The following NDST4 variants were observed in gnomAD, a reference collection of about 807,000 sequenced individuals.
NDST4 encodes the protein N-deacetylase and N-sulfotransferase 4, also known as N-heparan sulfate sulfotransferase 4.
Under a neutral mutation model 100.8 loss-of-function variants are expected in NDST4, and 63 were observed. The ratio of observed to expected loss-of-function variants is 0.62; its 90% CI spans 0.51 to 0.77. The LOEUF is 0.77. Among genes scored for constraint, NDST4 ranks in the 30% least tolerant of loss-of-function variants. The pLI is 0.00. For synonymous variants in NDST4, 377 were observed against 361.8 expected (o/e 1.04, Z -0.48); for missense variants, 943 against 1,018.4 (o/e 0.93, Z 1.01).
At chr4:115,088,320 AT>A (rs370454710) in intron 1 of NDST4, among the ~76,000 whole-genome samples, 141 of 148,644 alleles carry the variant, frequency 9.5e-4, no homozygotes, top group Middle Eastern at 3.5e-3. Flanking sequence ...TCTAAAGTTA[AT>A]TTTTTTTTTT....
intron 1 of NDST4, among the ~76,000 whole-genome samples, chr4:115,105,785 C>T (rs749123870): frequency 3.9e-5 from 6 of 152,058 alleles, no homozygotes; most frequent in African/African-American, 7.2e-5. Context: ...AAACAACTTC[C>T]GTACCTTTCG....
At chr4:114,970,152 A>G (rs1468464612) in intron 4 of NDST4, among the ~76,000 whole-genome samples, 1 of 147,848 alleles carries the variant, frequency 6.8e-6, no homozygotes, top group African/African-American at 2.7e-5. Flanking sequence ...TCATAGATAC[A>G]AGAGTAGTCA....
intron 8 of NDST4, 129 bp downstream of exon 8, chr4:114,852,596 C>T: frequency 1.7e-6 from 1 of 580,176 alleles, no homozygotes; most frequent in Non-Finnish European, 3.0e-6. Context: ...ACAAGCAGTT[C>T]AAATAATAAA....
In NDST4 at chr4:114,924,456, GA is replaced by G. The variant is rs796235650; in HGVS notation, c.1536+10749del. 6.1e-3 allele frequency among the ~76,000 whole-genome samples: 866 copies of G among 142,752 alleles called. 6 individuals are homozygous for G. The highest frequency in any genetic ancestry group is 0.016 in the African/African-American group (624 of 39,194). The allele number at this position is 142,752 out of a possible 152,430, so 93.7% of individuals were successfully genotyped here. A position where few individuals can be genotyped will look rare whatever the true frequency, so the allele number is the denominator to read the frequency against. On this transcript the variant is annotated intron_variant, in intron 6 of 13. Coordinates refer to ENST00000264363, the MANE Select transcript of NDST4 (RefSeq NM_022569.3). ...ATAGAAAAAAAAAAAGAAGATAAAG[GA>G]AAAAAAAAAAGGTGACTGTAGGTCT... is the stretch of plus-strand genomic sequence containing the variant.
At chr4:114,938,349 T>A (rs1439824454) in intron 4 of NDST4, among the ~76,000 whole-genome samples, 2 of 152,162 alleles carry the variant, frequency 1.3e-5, no homozygotes, top group African/African-American at 4.8e-5. Flanking sequence ...GGGTAAACAG[T>A]CAACTCTAAA....
At chr4:115,048,575 C>A (rs542837080) in intron 2 of NDST4, among the ~76,000 whole-genome samples, 11 of 152,130 alleles carry the variant, frequency 7.2e-5, no homozygotes, top group African/African-American at 2.2e-4. Context: ...CGTGAGCCAC[C>A]GTGCCCGACC....
At chr4:114,842,941 A>T (rs1484247921) in intron 10 of NDST4, among the ~76,000 whole-genome samples, 1 of 151,994 alleles carries the variant, frequency 6.6e-6, no homozygotes, top group Non-Finnish European at 1.5e-5. Flanking sequence ...TTTATATCCC[A>T]TTACCAGTGT....
intron 11 of NDST4, among the ~76,000 whole-genome samples, chr4:114,839,031 A>G (rs1428723174): frequency 6.6e-6 from 1 of 152,150 alleles, no homozygotes; most frequent in Non-Finnish European, 1.5e-5. Context: ...TTGTACTGGT[A>G]GTTGAGAGTT....
intron 2 of NDST4, among the ~76,000 whole-genome samples, chr4:115,075,240 T>C (rs930871244): frequency 6.6e-6 from 1 of 152,216 alleles, no homozygotes; most frequent in African/African-American, 2.4e-5. Context: ...CTAATATCTA[T>C]ATTTTCAGAT....
intron 2 of NDST4, among the ~76,000 whole-genome samples, chr4:114,989,487 G>A (rs1726989174): frequency 6.6e-6 from 1 of 152,126 alleles, no homozygotes; most frequent in South Asian, 2.1e-4. Flanking sequence ...ACAGTCCTTT[G>A]GTTAGGAGTT....
intron 2 of NDST4, among the ~76,000 whole-genome samples, chr4:115,074,596 A>G (rs1382402452): frequency 2.6e-5 from 4 of 152,114 alleles, no homozygotes; most frequent in African/African-American, 9.7e-5. Context: ...AAAATGAAAT[A>G]TTTGGGTCAC....
intron 6 of NDST4, among the ~76,000 whole-genome samples, chr4:114,933,432 C>CTTTTTTTTTTTT (rs367931653): frequency 1.1e-5 from 1 of 89,276 alleles, no homozygotes; most frequent in Non-Finnish European, 2.1e-5. Flanking sequence ...TTTTCTTTTC[C>CTTTTTTTTTTTT]TTTTTTTTTT....
chr4:114,981,258 GAAGGAAGGAAGA>G lies in NDST4; in HGVS notation c.979-3996_979-3985del, dbSNP rs1180320910. Among the ~76,000 whole-genome samples, 774 of 124,078 alleles carry G rather than the reference GAAGGAAGGAAGA, an allele frequency of 6.2e-3. 8 individuals are homozygous for G. The highest frequency in any genetic ancestry group is 0.022 in the African/African-American group (740 of 33,242). The allele number at this position is 124,078 out of a possible 152,430, so 81.4% of individuals were successfully genotyped here. On this transcript the variant is annotated intron_variant, in intron 2 of 13. Transcript: ENST00000264363. ...GGAAGGAAGGAAGGAAGGAAGGAAG[GAAGGAAGGAAGA>G]AAGCAGGAAAAAGAATGAGAGTCCA...
Position 115,057,713 on chromosome 4 carries a change from CACACACACACACACACACACAG to C in NDST4, c.978+18324_978+18345del, listed in dbSNP as rs1333381977. Among the ~76,000 whole-genome samples, 459 of 116,524 alleles carry C rather than the reference CACACACACACACACACACACAG, an allele frequency of 3.9e-3. 1 individual carries two copies. The highest frequency in any genetic ancestry group is 0.017 in the African/African-American group (437 of 25,582). The allele number at this position is 116,524 out of a possible 152,430, so 76.4% of individuals were successfully genotyped here. On this transcript the variant is annotated intron_variant, in intron 2 of 13. Transcript: ENST00000264363. ...CTATGCGTGCGCACGCACACACACA[CACACACACACACACACACACAG>C]ACACACACACACACACACACACACC...
intron 6 of NDST4, among the ~76,000 whole-genome samples, chr4:114,900,084 C>T (rs1042358457): frequency 2.6e-5 from 4 of 152,062 alleles, no homozygotes; most frequent in Non-Finnish European, 4.4e-5. Context: ...CAAAGAACTG[C>T]CCCATTTTAC....
At chr4:114,936,799 G>T (rs1448616939) in intron 5 of NDST4, among the ~76,000 whole-genome samples, 3 of 152,098 alleles carry the variant, frequency 2.0e-5, no homozygotes, top group Non-Finnish European at 4.4e-5. Flanking sequence ...GCAAGGAAAA[G>T]ACAAAAAGAG....
intron 2 of NDST4, among the ~76,000 whole-genome samples, chr4:115,072,383 C>A (rs900063148): frequency 6.6e-6 from 1 of 151,672 alleles, no homozygotes; most frequent in Non-Finnish European, 1.5e-5. Context: ...TATGAAACTA[C>A]AAAAGATCCC....
At chr4:114,927,029 G>A (rs550128148) in intron 6 of NDST4, among the ~76,000 whole-genome samples, 14 of 152,058 alleles carry the variant, frequency 9.2e-5, no homozygotes, top group Non-Finnish European at 1.9e-4. Context: ...CAGTATACAA[G>A]TAATGGGAAG....
At chr4:115,101,655 T>G (rs1264114626) in intron 1 of NDST4, among the ~76,000 whole-genome samples, 1 of 152,114 alleles carries the variant, frequency 6.6e-6, no homozygotes, top group East Asian at 1.9e-4. Flanking sequence ...CTGGTGGTGG[T>G]GTTAAAGCAG....
Sources: allele counts gnomAD v4.1 joint callset (sites outside exome capture counted in the v4.1 genomes callset), GRCh38; gene constraint gnomAD v4.1.1; transcripts MANE v1.5; gene names NCBI Gene and HGNC (gene_info 2026-07-23, HGNC 2026-07-21).